Variants in TTN observed in about 807,000 individuals in gnomAD.
TTN encodes the protein connectin.
TTN carries 1,525 observed loss-of-function variants against 3,223.0 expected under a neutral mutation model. That is an observed-to-expected ratio of 0.47 (90% CI 0.45 to 0.49). The LOEUF (loss-of-function observed/expected upper bound fraction) is 0.49. Ranked by LOEUF, TTN falls within the 20% of genes least tolerant of loss-of-function variation. The pLI is 0.00. For missense variants in TTN, 40,786 were observed against 43,424.0 expected (o/e 0.94, Z 5.40); for synonymous variants, 14,094 against 15,161.0 (o/e 0.93, Z 5.17).
chr2:178,643,631 TTGA>T (rs2061520121), intron 218 of TTN, among the ~76,000 whole-genome samples: 1 of 151,972 alleles, frequency 6.6e-6, no homozygotes, highest in Non-Finnish European at 1.5e-5. Flanking sequence ...AAAAATCTTA[TTGA>T]TGTTTGAGAA....
At position 178,769,773 on chromosome 2, in the gene TTN, A is replaced by G. The variant is rs2154342507; in HGVS notation, c.8808T>C (p.His2936=). The G allele has an allele frequency of 6.2e-7, 1 of 1,613,986 alleles. No homozygotes were observed. The highest frequency in any genetic ancestry group is 8.5e-7 in the Non-Finnish European group (1 of 1,180,002). ...KFKIVVQGKL[H]QLIIMNTSTE... is the part of the protein sequence containing the mutation. ...TGCTGGTGTTCATGATGATCAGCTG[A>G]TGGAGTTTTCCCTGCACAACTATCT... Residue 2936 remains histidine (H), a synonymous_variant, in exon 37 of 363, where the codon CAT becomes CAC. Coordinates refer to ENST00000589042, the MANE Select transcript of TTN (RefSeq NM_001267550.2).
rs761923952 is a variant in TTN at position 178,607,347 on chromosome 2, AT to A, written c.53288-34del. 8.1e-6 allele frequency: 13 copies of A among 1,612,536 alleles called. No individual in the cohort carries two copies. The South Asian group carries it at 1.4e-4, about 18-fold the overall frequency. On this transcript the variant is annotated intron_variant, in intron 277 of 362. Coordinates refer to ENST00000589042, the MANE Select transcript of TTN (RefSeq NM_001267550.2). Reference sequence around the variant, plus strand: ...CAAAACAAAGCCAAAAATCAATGTAATAAGATAGTATCACTTGGGAAAATCC... The same window carrying A: ...CAAAACAAAGCCAAAAATCAATGTAAAAGATAGTATCACTTGGGAAAATCC...
At chr2:178,713,051 A>G in intron 93 of TTN, 34 bp downstream of exon 93, 1 of 1,606,998 alleles carries the variant, frequency 6.2e-7, no homozygotes, top group African/African-American at 1.3e-5. Flanking sequence ...ATAAACTATG[A>G]AATGCAATTC....
rs542421479 is a variant in TTN at position 178,775,344 on chromosome 2, C to T, written c.6508+12G>A. 25 of 1,613,792 alleles carry T rather than the reference C, an allele frequency of 1.5e-5. No individual in the cohort carries two copies. The East Asian group carries it at 5.4e-4, about 35-fold the overall frequency. ...AAAGACAGGTCCATCAAAGGAAAGACATGCAAATTACCTTGGACAAGTAAG... is the reference window on the plus strand; with the variant it reads ...AAAGACAGGTCCATCAAAGGAAAGATATGCAAATTACCTTGGACAAGTAAG... On this transcript the variant is annotated intron_variant, in intron 28 of 362. Transcript: ENST00000589042.
At chr2:178,751,169 G>C (rs760031817) in intron 47 of TTN, 1 of 1,611,962 alleles carries the variant, frequency 6.2e-7, no homozygotes, top group South Asian at 1.1e-5. Flanking sequence ...GTCCTCTCTA[G>C]AGAACAGAAT....
rs1698529817 is a variant in TTN at position 178,549,616 on chromosome 2, A to C, written c.92106T>G (p.Val30702=). Residue 30702 remains valine (V), a synonymous_variant, in exon 338 of 363, where the codon GTT becomes GTG. Coordinates refer to ENST00000589042, the MANE Select transcript of TTN (RefSeq NM_001267550.2). ...FRVSAVNKFG[V]GRPLDSDPVV... ...CTGGATCAGAATCAAGTGGCCTGCC[A>C]ACACCAAACTTGTTAACTGCAGAAA... The C allele has an allele frequency of 6.2e-7, 1 of 1,613,684 alleles. No individual in the cohort carries two copies.
chr2:178,735,804 T>A lies in TTN; in HGVS notation c.14642A>T (p.Glu4881Val), dbSNP rs2081343515. Residue 4881 changes from glutamate (E) to valine (V), a missense_variant, in exon 50 of 363, where the codon GAG becomes GTG. Physicochemically the swap from Glu to Val is moderately radical, Grantham distance 121 (BLOSUM62 -2). Coordinates refer to ENST00000589042, the MANE Select transcript of TTN (RefSeq NM_001267550.2). Reference sequence around the variant, plus strand: ...ATGTGGCTTATCAATGATGATCAACTCTGCTTGGCAGATGTCTGCTCCAAA... The same window carrying A: ...ATGTGGCTTATCAATGATGATCAACACTGCTTGGCAGATGTCTGCTCCAAA... ...NKFGADICQAELIIIDKPHFI... is the reference protein window; with the variant it reads ...NKFGADICQAVLIIIDKPHFI... 1.2e-6 allele frequency: 2 copies of A among 1,613,736 alleles called. No individual in the cohort carries two copies. Among genetic ancestry groups the A allele is most frequent in the Non-Finnish European group, 1.7e-6 (2 of 1,179,780 alleles).
In TTN at chr2:178,618,861, G is replaced by T. The variant is rs367548794; in HGVS notation, c.46697-8C>A. The T allele has an allele frequency of 3.7e-6, 6 of 1,607,590 alleles. No homozygotes were observed. The highest frequency in any genetic ancestry group is 2.2e-5 in the South Asian group (2 of 90,272). On this transcript the variant is annotated splice_polypyrimidine_tract_variant and splice_region_variant and intron_variant, in intron 250 of 362. Coordinates refer to ENST00000589042, the MANE Select transcript of TTN (RefSeq NM_001267550.2). ...TCTTGATTTTTGGTGCAGCTAGTGA[G>T]AAAGATAACATGTGAACGCTTTCGA...
chr2:178,748,839 T>C lies in TTN; in HGVS notation c.11311+4285A>G, dbSNP rs530687155. 6.7e-5 allele frequency: 108 copies of C among 1,612,262 alleles called. No homozygotes were observed. In the East Asian group the frequency reaches 6.7e-4, roughly 10 times the overall value. The stretch of plus-strand genomic sequence containing the variant: ...GCAATGTTAGATGAATCTGATTCAG[T>C]ATTTGGAGACATTTTCTCTGCCTGA... On this transcript the variant is annotated intron_variant, in intron 47 of 362. Transcript: ENST00000589042.
chr2:178,790,147 C>G, intron 11 of TTN, 32 bp from the exon 12 acceptor site: 1 of 1,598,894 alleles, frequency 6.3e-7, no homozygotes. Flanking sequence ...AGAAAATAGT[C>G]ATTAAATTCC....
rs532095547 is a variant in TTN, at chr2:178,568,162, T to A, written c.77970A>T (p.Glu25990Asp). The change falls in exon 326 of 363, where the codon GAA becomes GAT. Residue 25990 changes from glutamate (E) to aspartate (D), a missense_variant. Coordinates refer to ENST00000589042, the MANE Select transcript of TTN (RefSeq NM_001267550.2). ...DPIVAQYPYK[E>D]PGPPGTPFAT... ...CAAATGGTGTACCTGGAGGGCCTGGTTCTTTGTAGGGATATTGAGCTACAA... is the reference window on the plus strand; with the variant it reads ...CAAATGGTGTACCTGGAGGGCCTGGATCTTTGTAGGGATATTGAGCTACAA... The A allele has an allele frequency of 6.2e-7, 1 of 1,613,516 alleles. No individual in the cohort carries two copies. The highest frequency in any genetic ancestry group is 1.1e-5 in the South Asian group (1 of 91,076).
rs2093656020 is a variant in TTN at position 178,794,268 on chromosome 2, C to G, written c.1398+131G>C. ...CTCAGAAAGTTCTAAAAGTCTGGGC[C>G]CTGCTGGGCTCAAGGCTGTCTTCAG... is the stretch of plus-strand genomic sequence containing the variant. On this transcript the variant is annotated intron_variant, in intron 8 of 362. Coordinates refer to ENST00000589042, the MANE Select transcript of TTN (RefSeq NM_001267550.2). 9 of 1,371,882 alleles carry G rather than the reference C, an allele frequency of 6.6e-6. No homozygotes were observed. In the South Asian group the frequency reaches 1.1e-4, roughly 16 times the overall value. 85.0% of individuals were successfully genotyped at this position (1,371,882 alleles called of 1,614,324 possible). A position where few individuals can be genotyped will look rare whatever the true frequency, so the allele number is the denominator to read the frequency against.
chr2:178,598,055 T>C lies in TTN; in HGVS notation c.57115A>G (p.Lys19039Glu). The C allele has an allele frequency of 6.2e-7, 1 of 1,610,944 alleles. No homozygotes were observed. Among genetic ancestry groups the C allele is most frequent in the Non-Finnish European group, 8.5e-7 (1 of 1,179,060 alleles). Residue 19039 changes from lysine to glutamate, a missense_variant, in exon 293 of 363, where the codon AAA (lysine) becomes GAA (glutamate). Transcript: ENST00000589042. Reference protein sequence around the residue: ...EEGKEEWEKGKDKEVRGTKLV... With the variant: ...EEGKEEWEKGEDKEVRGTKLV... The stretch of plus-strand genomic sequence containing the variant: ...TTTGTTCCTCTCACTTCTTTATCTT[T>C]ACCCTGGGGAGAAATCATAGACATT...
chr2:178,649,670 T>C (rs1205772169), intron 211 of TTN, 39 bp from the exon 212 acceptor site: 2 of 1,549,502 alleles, frequency 1.3e-6, no homozygotes, highest in Non-Finnish European at 1.8e-6. Context: ...TACAAAGTTG[T>C]GAGATGTAAG....
Position 178,548,306 on chromosome 2 carries a change from G to T in TTN, c.93320C>A (p.Pro31107Gln). 1 of 1,613,768 alleles carries T rather than the reference G, an allele frequency of 6.2e-7. No homozygotes were observed. Among genetic ancestry groups the T allele is most frequent in the Non-Finnish European group, 8.5e-7 (1 of 1,179,786 alleles). ...AGCAGGCTGTTCTGTGGCTACAATTGGTTCTGGCATTTCATAGGGCTCACC... is the reference window on the plus strand; with the variant it reads ...AGCAGGCTGTTCTGTGGCTACAATTTGTTCTGGCATTTCATAGGGCTCACC... ...GVGEPYEMPE[P>Q]IVATEQPAPP... The change falls in exon 339 of 363, where the codon CCA (proline) becomes CAA (glutamine). Residue 31107 changes from proline (P) to glutamine (Q), a missense_variant. By Grantham distance (76) the Pro-to-Gln change is moderately conservative (BLOSUM62 -1). Coordinates refer to ENST00000589042, the MANE Select transcript of TTN (RefSeq NM_001267550.2). The surrounding 1 kb of genome is among the most constrained non-coding windows in gnomAD (Gnocchi z 4.3).
At chr2:178,681,877 G>T in intron 135 of TTN, 139 bp from the exon 136 acceptor site, 1 of 641,580 alleles carries the variant, frequency 1.6e-6, no homozygotes, top group Non-Finnish European at 2.5e-6. Context: ...AAGAATCAGA[G>T]ATCCAAGCAG....
At position 178,565,274 on chromosome 2, in the gene TTN, G is replaced by A. The variant is rs377506142; in HGVS notation, c.80858C>T (p.Thr26953Met). 647 of 1,613,564 alleles carry A rather than the reference G, an allele frequency of 4.0e-4. 5 individuals carry two copies. In the South Asian group the frequency reaches 6.6e-3, roughly 16 times the overall value. ...NKDDFGKYTV[T>M]ATNSAGTATE... ...TGCTGTGCCTGCACTATTTGTTGCC[G>A]TTACGGTGTATTTTCCAAAGTCATC... Residue 26953 changes from threonine to methionine, a missense_variant, in exon 326 of 363, where the codon ACG becomes ATG. Physicochemically the swap from Thr to Met is moderately conservative, Grantham distance 81. Transcript: ENST00000589042.
chr2:178,705,435 A>T, intron 102 of TTN, 78 bp from the exon 103 acceptor site: 3 of 1,103,344 alleles, frequency 2.7e-6, no homozygotes, highest in African/African-American at 3.2e-5. Context: ...TTCAAAGATT[A>T]TATACTTCAT....
In TTN at chr2:178,677,896, A is replaced by G; in HGVS notation, c.34016T>C (p.Val11339Ala). ...CTGAGGTAGAGCTACAGGAACTGGA[A>G]CTGGTTCACGTTTCTTTGGCACTTT... is the stretch of plus-strand genomic sequence containing the variant. ...PPKVPKKREP[V>A]PVPVALPQEE... The change falls in exon 146 of 363, where the codon GTT becomes GCT. Residue 11339 changes from valine to alanine, a missense_variant. By Grantham distance (64) the Val-to-Ala change is moderately conservative. Transcript: ENST00000589042. 1 of 1,603,660 alleles carries G rather than the reference A, an allele frequency of 6.2e-7. No individual in the cohort carries two copies. Among genetic ancestry groups the G allele is most frequent in the Non-Finnish European group, 8.5e-7 (1 of 1,176,216 alleles).
Sources: allele counts gnomAD v4.1 joint callset (sites outside exome capture counted in the v4.1 genomes callset), GRCh38; gene constraint gnomAD v4.1.1; non-coding constraint Gnocchi (gnomAD v3.1); transcripts MANE v1.5; gene names NCBI Gene and HGNC (gene_info 2026-07-23, HGNC 2026-07-21).